KCNH7: variants seen among roughly 807,000 people sequenced by gnomAD.
KCNH7 encodes potassium voltage-gated channel subfamily H member 7.
Under a neutral mutation model 120.8 loss-of-function variants are expected in KCNH7, and 49 were observed. The ratio of observed to expected loss-of-function variants is 0.41; its 90% CI spans 0.32 to 0.51. KCNH7 has a LOEUF of 0.51. Ranked by LOEUF, KCNH7 falls within the 20% of genes least tolerant of loss-of-function variation. The pLI, the probability that KCNH7 is intolerant of heterozygous loss-of-function variation, is 0.38. For synonymous variants in KCNH7, 547 were observed against 516.1 expected, an observed-to-expected ratio of 1.06 and a Z score of -0.81; for missense variants, 1,097 against 1,446.6, an observed-to-expected ratio of 0.76 and a Z score of 3.92.
At chr2:162,401,414 T>C (rs1573916152) in intron 9 of KCNH7, among the ~76,000 whole-genome samples, 2 of 152,030 alleles carry the variant, frequency 1.3e-5, no homozygotes, top group South Asian at 4.1e-4. Flanking sequence ...GGGCATTATA[T>C]AGTGCAATTT....
chr2:162,820,708 T>C (rs544618883), intron 2 of KCNH7, among the ~76,000 whole-genome samples: 8 of 152,308 alleles, frequency 5.3e-5, no homozygotes, highest in East Asian at 1.9e-4. Flanking sequence ...TAATTTCCCT[T>C]ATGTTTGTAT....
chr2:162,531,684 T>C (rs1477226813), intron 3 of KCNH7, among the ~76,000 whole-genome samples: 1 of 151,966 alleles, frequency 6.6e-6, no homozygotes, highest in Non-Finnish European at 1.5e-5. Context: ...GATTGATGAA[T>C]TAGTAATTCT....
At chr2:162,739,483 C>G (rs1688041830) in intron 2 of KCNH7, among the ~76,000 whole-genome samples, 1 of 152,142 alleles carries the variant, frequency 6.6e-6, no homozygotes, top group African/African-American at 2.4e-5. Context: ...TTTTGCACCT[C>G]TACTAACTGC....
intron 2 of KCNH7, among the ~76,000 whole-genome samples, chr2:162,621,715 A>C (rs1683365490): frequency 6.6e-6 from 1 of 152,178 alleles, no homozygotes; most frequent in African/African-American, 2.4e-5. Context: ...TTGGCTGGTT[A>C]TATTTCTCCA....
At chr2:162,640,132 T>A (rs1000753092) in intron 2 of KCNH7, among the ~76,000 whole-genome samples, 7 of 152,192 alleles carry the variant, frequency 4.6e-5, no homozygotes, top group Non-Finnish European at 1.0e-4. Flanking sequence ...CAAATTGCTA[T>A]ACCGGTTTAA....
chr2:162,734,417 T>C (rs1462261466), intron 2 of KCNH7, among the ~76,000 whole-genome samples: 1 of 152,166 alleles, frequency 6.6e-6, no homozygotes, highest in African/African-American at 2.4e-5. Flanking sequence ...ATCATAGATG[T>C]TAATTTTATG....
intron 2 of KCNH7, among the ~76,000 whole-genome samples, chr2:162,704,233 C>T (rs1254321213): frequency 1.3e-5 from 2 of 151,818 alleles, no homozygotes; most frequent in African/African-American, 2.4e-5. Flanking sequence ...GTTTTAGTTC[C>T]CCCAGAGAAA....
intron 2 of KCNH7, among the ~76,000 whole-genome samples, chr2:162,699,657 T>C (rs1170543929): frequency 2.0e-5 from 3 of 152,204 alleles, no homozygotes; most frequent in Non-Finnish European, 2.9e-5. Context: ...TGAAAGTTGA[T>C]AGCATGTCTT....
At chr2:162,410,048 A>G (rs1687338924) in intron 9 of KCNH7, among the ~76,000 whole-genome samples, 1 of 152,062 alleles carries the variant, frequency 6.6e-6, no homozygotes, top group South Asian at 2.1e-4. Flanking sequence ...TCAATGTACC[A>G]AAGTCACTTT....
At chr2:162,530,974 G>A (rs1040851011) in intron 3 of KCNH7, among the ~76,000 whole-genome samples, 13 of 151,876 alleles carry the variant, frequency 8.6e-5, no homozygotes, top group African/African-American at 3.1e-4. Flanking sequence ...GGAAATCTAG[G>A]TCATATAATG....
At chr2:162,764,092 T>G (rs1689061610) in intron 2 of KCNH7, among the ~76,000 whole-genome samples, 1 of 152,104 alleles carries the variant, frequency 6.6e-6, no homozygotes, top group Non-Finnish European at 1.5e-5. Flanking sequence ...CTCTTGCTAT[T>G]TCACGTAAAA....
chr2:162,763,903 C>G (rs954740774), intron 2 of KCNH7, among the ~76,000 whole-genome samples: 1 of 151,868 alleles, frequency 6.6e-6, no homozygotes, highest in Non-Finnish European at 1.5e-5. Flanking sequence ...AACAATGTGA[C>G]AAATACCATA....
intron 7 of KCNH7, among the ~76,000 whole-genome samples, chr2:162,438,851 A>G (rs1425685675): frequency 1.3e-5 from 2 of 152,164 alleles, no homozygotes; most frequent in Non-Finnish European, 2.9e-5. Flanking sequence ...TTAAAAACTT[A>G]AGGTGTCTTG....
chr2:162,798,754 C>T (rs902602948), intron 2 of KCNH7, among the ~76,000 whole-genome samples: 2 of 151,930 alleles, frequency 1.3e-5, no homozygotes, highest in African/African-American at 4.8e-5. Context: ...ATGAAATGCC[C>T]CTTAGACTGT....
At chr2:162,792,992 G>C (rs1348494435) in intron 2 of KCNH7, among the ~76,000 whole-genome samples, 1 of 151,900 alleles carries the variant, frequency 6.6e-6, no homozygotes, top group African/African-American at 2.4e-5. Flanking sequence ...TGCCTTAGCT[G>C]TGTCCCAGAG....
intron 2 of KCNH7, among the ~76,000 whole-genome samples, chr2:162,586,443 A>G (rs1872566): frequency 0.044 from 6,657 of 152,082 alleles, 291 homozygotes; most frequent in East Asian, 0.11. Context: ...CTATTAGTGG[A>G]GCCATCTTAG....
chr2:162,421,942 A>G (rs1193768862), intron 9 of KCNH7, among the ~76,000 whole-genome samples: 1 of 151,762 alleles, frequency 6.6e-6, no homozygotes, highest in African/African-American at 2.4e-5. Context: ...ACCCAGCAGC[A>G]GAGAGTCCCC....
At chr2:162,739,889 G>T (rs948739582) in intron 2 of KCNH7, among the ~76,000 whole-genome samples, 2 of 147,772 alleles carry the variant, frequency 1.4e-5, no homozygotes, top group African/African-American at 5.4e-5. Flanking sequence ...GAATGAGCAG[G>T]GCTGGGTATT....
chr2:162,381,220 CTT>C (rs1431358449), intron 13 of KCNH7, among the ~76,000 whole-genome samples: 1 of 151,788 alleles, frequency 6.6e-6, no homozygotes, highest in African/African-American at 2.4e-5. Flanking sequence ...GATAGAAAGA[CTT>C]AAAAAAAACT....
Sources: allele counts gnomAD v4.1 joint callset (sites outside exome capture counted in the v4.1 genomes callset), GRCh38; gene constraint gnomAD v4.1.1; transcripts MANE v1.5; gene names NCBI Gene and HGNC (gene_info 2026-07-23, HGNC 2026-07-21).